USP45: variants seen among roughly 807,000 people sequenced by gnomAD.
The protein encoded by USP45 is ubiquitin carboxyl-terminal hydrolase 45.
USP45 carries 89 observed loss-of-function variants against 95.8 expected under a neutral mutation model. That is an observed-to-expected ratio of 0.93 (90% CI 0.78 to 1.11). The LOEUF (loss-of-function observed/expected upper bound fraction) is 1.11. USP45 is among the 50% of genes least tolerant of loss of function. The probability of loss-of-function intolerance (pLI) is 0.00; values close to 1 mark genes in which losing one functional copy is unlikely to be tolerated. For missense variants in USP45, 898 were observed against 942.5 expected (o/e 0.95, Z 0.62); for synonymous variants, 281 against 316.2 (o/e 0.89, Z 1.18).
At chr6:99,480,873 A>G (rs1792230805) in intron 8 of USP45, among the ~76,000 whole-genome samples, 1 of 152,174 alleles carries the variant, frequency 6.6e-6, no homozygotes, top group Non-Finnish European at 1.5e-5. Flanking sequence ...CTTGATTTTA[A>G]AAAAATATAT....
intron 9 of USP45, among the ~76,000 whole-genome samples, chr6:99,469,470 T>A (rs974875354): frequency 1.3e-5 from 1 of 76,298 alleles, no homozygotes; most frequent in Non-Finnish European, 3.0e-5. Context: ...AATATATATA[T>A]AATATATATA....
upstream of USP45, among the ~76,000 whole-genome samples, chr6:99,515,770 C>CTTTTTTTTTTT (rs56926251): frequency 2.3e-5 from 2 of 88,468 alleles, no homozygotes; most frequent in African/African-American, 9.6e-5. Context: ...CCTCTGAACT[C>CTTTTTTTTTTT]TTTTTTTTTT....
Position 99,485,034 on chromosome 6 carries a change from A to T in USP45, c.715-2151T>A, listed in dbSNP as rs184309846. 4.3e-3 allele frequency among the ~76,000 whole-genome samples: 658 copies of T among 152,188 alleles called. 2 individuals are homozygous for T. The highest frequency in any genetic ancestry group is 0.015 in the African/African-American group (635 of 41,520). ...GAGATGAGGAAATAACCTTAGTTTT[A>T]AAAAGTACATTTAGACCTGGCGCAG... On this transcript the variant is annotated intron_variant, in intron 7 of 17. Coordinates refer to ENST00000500704, the MANE Select transcript of USP45 (RefSeq NM_001346022.3).
At chr6:99,496,289 T>C (rs1433968350) in intron 5 of USP45, among the ~76,000 whole-genome samples, 1 of 152,100 alleles carries the variant, frequency 6.6e-6, no homozygotes, top group African/African-American at 2.4e-5. Flanking sequence ...GCCCAGCATG[T>C]ATCACCTTTT....
rs118070536 is a variant in USP45 at position 99,473,899 on chromosome 6, T to C, written c.933+2244A>G. Among the ~76,000 whole-genome samples, 60 of 151,430 alleles carry C rather than the reference T, an allele frequency of 4.0e-4. 1 individual carries two copies. The East Asian group carries it at 9.6e-3, about 24-fold the overall frequency. On this transcript the variant is annotated intron_variant, in intron 9 of 17. Coordinates refer to ENST00000500704, the MANE Select transcript of USP45 (RefSeq NM_001346022.3). ...ATCACAATCTAAGAAAGCTGACAGATAGGGACATAAATCTAAATAGAAAGT... is the reference window on the plus strand; with the variant it reads ...ATCACAATCTAAGAAAGCTGACAGACAGGGACATAAATCTAAATAGAAAGT...
chr6:99,454,154 C>G (rs575635064), intron 13 of USP45, among the ~76,000 whole-genome samples: 1 of 152,184 alleles, frequency 6.6e-6, no homozygotes, highest in African/African-American at 2.4e-5. Context: ...ATAAAGAAAT[C>G]CACATACTTA....
At position 99,439,857 on chromosome 6, in the gene USP45, T is replaced by G; in HGVS notation, c.2074-2A>C. ...TACTTTACGAAGACTCAAGCCAGCC[T>G]TAAAAAGACCAAAACATTTTTGAAA... On this transcript the variant is annotated splice_acceptor_variant, in intron 15 of 17. Transcript: ENST00000500704. LOFTEE classifies it high-confidence loss of function. 6.3e-7 allele frequency: 1 copy of G among 1,598,524 alleles called. No homozygotes were observed. The highest frequency in any genetic ancestry group is 8.5e-7 in the Non-Finnish European group (1 of 1,173,334).
upstream of USP45, among the ~76,000 whole-genome samples, chr6:99,516,239 G>A (rs1444974147): frequency 6.6e-6 from 1 of 152,146 alleles, no homozygotes; most frequent in African/African-American, 2.4e-5. Context: ...CTCAAAGCCC[G>A]GTTATCTGTT....
intron 9 of USP45, among the ~76,000 whole-genome samples, chr6:99,470,633 A>G (rs1789173086): frequency 6.6e-6 from 1 of 152,232 alleles, no homozygotes; most frequent in Non-Finnish European, 1.5e-5. Flanking sequence ...GCTATTAAAT[A>G]CTGAAATAAT....
At chr6:99,491,040 C>T (rs1300744089) in intron 5 of USP45, among the ~76,000 whole-genome samples, 1 of 151,954 alleles carries the variant, frequency 6.6e-6, no homozygotes, top group Non-Finnish European at 1.5e-5. Context: ...GGAATGTGTT[C>T]AGATATTAAG....
At chr6:99,476,072 C>T in intron 9 of USP45, 71 bp downstream of exon 9, 5 of 1,416,976 alleles carry the variant, frequency 3.5e-6, no homozygotes, top group Non-Finnish European at 4.9e-6. Flanking sequence ...CCCGCCTTGG[C>T]CCCCCAATAA....
chr6:99,484,722 C>T (rs960146877), intron 7 of USP45, among the ~76,000 whole-genome samples: 9 of 151,716 alleles, frequency 5.9e-5, no homozygotes, highest in Non-Finnish European at 1.2e-4. Flanking sequence ...ATCCCTTAAG[C>T]CCAGGCTGCA....
At chr6:99,437,545 G>C in intron 16 of USP45, 146 bp from the exon 17 acceptor site, 1 of 851,150 alleles carries the variant, frequency 1.2e-6, no homozygotes, top group African/African-American at 1.8e-5. Flanking sequence ...TGGCAAAATG[G>C]AAAAACCTTA....
intron 5 of USP45, among the ~76,000 whole-genome samples, chr6:99,493,264 G>A (rs745342213): frequency 5.9e-5 from 9 of 152,124 alleles, no homozygotes; most frequent in Non-Finnish European, 1.3e-4. Flanking sequence ...GACTTCAGGT[G>A]ATCCACCCTC....
intron 14 of USP45, among the ~76,000 whole-genome samples, chr6:99,445,028 C>T (rs1782219162): frequency 6.6e-6 from 1 of 152,172 alleles, no homozygotes; most frequent in African/African-American, 2.4e-5. Context: ...CCCCCTTTCT[C>T]CACTTCTCTC....
chr6:99,435,862 G>A lies in USP45; in HGVS notation c.2315-16C>T. On this transcript the variant is annotated splice_polypyrimidine_tract_variant and intron_variant, in intron 17 of 17. Coordinates refer to ENST00000500704, the MANE Select transcript of USP45 (RefSeq NM_001346022.3). ...GCTTTCAAACCTAGCAAAACAAAAA[G>A]AAGTACAATTTTAAAGTAAGTATGC... The A allele has an allele frequency of 6.2e-7, 1 of 1,600,566 alleles. No homozygotes were observed. The highest frequency in any genetic ancestry group is 1.7e-5 in the Admixed American group (1 of 57,204).
In USP45 at chr6:99,507,413, C is replaced by T. The variant is rs1457854251; in HGVS notation, c.377+15G>A. ...TGTGGTTAGTGGACACAAGAACTAA[C>T]AAAATTTAACTTACCATATAATCCA... On this transcript the variant is annotated intron_variant, in intron 4 of 17. Transcript: ENST00000500704. The T allele has an allele frequency of 2.0e-6, 3 of 1,535,620 alleles. No individual in the cohort carries two copies. Among genetic ancestry groups the T allele is most frequent in the Admixed American group, 3.7e-5 (2 of 53,336 alleles).
intron 13 of USP45, among the ~76,000 whole-genome samples, chr6:99,447,024 T>A (rs1307410030): frequency 1.3e-5 from 2 of 152,330 alleles, no homozygotes; most frequent in East Asian, 3.9e-4. Flanking sequence ...TTTCAGTTAC[T>A]GTATAAGCCT....
At chr6:99,493,765 C>G (rs1220372928) in intron 5 of USP45, among the ~76,000 whole-genome samples, 1 of 152,182 alleles carries the variant, frequency 6.6e-6, no homozygotes, top group African/African-American at 2.4e-5. Flanking sequence ...TCCCAAAGTG[C>G]TGGGATTACA....
Sources: gnomAD v4.1 joint callset for allele counts (sites outside exome capture counted in the v4.1 genomes callset) on GRCh38, gnomAD v4.1.1 for gene constraint, MANE v1.5 for transcripts, NCBI Gene and HGNC (gene_info 2026-07-23, HGNC 2026-07-21) for gene names.